The following RBFOX1 variants were observed in gnomAD, a reference collection of about 807,000 sequenced individuals.
RBFOX1 encodes RNA binding fox-1 homolog 1.
Under a neutral mutation model 57.7 loss-of-function variants are expected in RBFOX1, and 8 were observed. The ratio of observed to expected loss-of-function variants is 0.14; its 90% CI spans 0.08 to 0.25. The LOEUF (loss-of-function observed/expected upper bound fraction) is 0.25, where lower values mean the gene tolerates loss of function less well. RBFOX1 is among the 10% of genes least tolerant of loss of function. The probability of loss-of-function intolerance (pLI) is 1.00; values close to 1 mark genes in which losing one functional copy is unlikely to be tolerated. For synonymous variants in RBFOX1, 326 were observed against 222.4 expected (o/e 1.47, Z -4.15); for missense variants, 611 against 548.5 (o/e 1.11, Z -1.14).
rs139484592 is a variant in RBFOX1, at chr16:6,662,697, T to G, written c.-16+8047T>G. ...CCTAAAAGACTCAAACATTTGATCA[T>G]CTACCTTTTTGACCAAGAGACCCAG... On this transcript the variant is annotated intron_variant, in intron 3 of 15. Coordinates refer to ENST00000550418, the MANE Select transcript of RBFOX1 (RefSeq NM_018723.4). Among the ~76,000 whole-genome samples, 298 of 152,298 alleles carry G rather than the reference T, an allele frequency of 2.0e-3. 2 individuals carry two copies. Among genetic ancestry groups the G allele is most frequent in the African/African-American group, 6.8e-3 (281 of 41,580 alleles).
intron 4 of RBFOX1, among the ~76,000 whole-genome samples, chr16:7,106,812 G>GACCA (rs2063669057): frequency 6.6e-6 from 1 of 151,802 alleles, no homozygotes; most frequent in Admixed American, 6.6e-5. Flanking sequence ...GGTGTCTGCT[G>GACCA]GACAGCATTA....
intron 1 of RBFOX1, among the ~76,000 whole-genome samples, chr16:5,292,246 C>T (rs1197444877): frequency 6.6e-6 from 1 of 152,208 alleles, no homozygotes; most frequent in Admixed American, 6.5e-5. Context: ...AGGAGGTTGA[C>T]TCCCAGCTTG....
intron 2 of RBFOX1, among the ~76,000 whole-genome samples, chr16:6,350,235 G>A (rs570297047): frequency 3.3e-5 from 5 of 151,668 alleles, no homozygotes; most frequent in Admixed American, 1.3e-4. Context: ...TCGGGAGTTC[G>A]AGACCAGCCT....
At chr16:7,121,324 T>C (rs1025889032) in intron 4 of RBFOX1, among the ~76,000 whole-genome samples, 4 of 152,106 alleles carry the variant, frequency 2.6e-5, no homozygotes, top group African/African-American at 9.7e-5. Context: ...TATAAGGGCA[T>C]CTTTAATCAC....
intron 1 of RBFOX1, among the ~76,000 whole-genome samples, chr16:6,273,488 G>T (rs181008100): frequency 2.0e-4 from 30 of 151,460 alleles, no homozygotes; most frequent in African/African-American, 7.3e-4. Flanking sequence ...GGGATTACAG[G>T]TACATGTCAC....
intron 1 of RBFOX1, among the ~76,000 whole-genome samples, chr16:5,433,613 A>G (rs373751666): frequency 1.6e-4 from 25 of 152,340 alleles, no homozygotes; most frequent in African/African-American, 4.6e-4. Context: ...TTTTATCCCA[A>G]TTACAAAAAT....
At chr16:6,189,437 A>G (rs1393862562) in intron 1 of RBFOX1, among the ~76,000 whole-genome samples, 1 of 152,186 alleles carries the variant, frequency 6.6e-6, no homozygotes, top group African/African-American at 2.4e-5. Context: ...TGCAACAGTG[A>G]CAGAGAACTG....
At chr16:6,487,750 T>TA (rs2095537701) in intron 2 of RBFOX1, among the ~76,000 whole-genome samples, 6 of 74,426 alleles carry the variant, frequency 8.1e-5, no homozygotes, top group African/African-American at 3.3e-4. Flanking sequence ...TATATATATA[T>TA]ATATAAAATA....
chr16:6,024,941 G>T (rs137860163), intron 1 of RBFOX1, among the ~76,000 whole-genome samples: 1 of 152,188 alleles, frequency 6.6e-6, no homozygotes, highest in African/African-American at 2.4e-5. Flanking sequence ...CATGGAGGGC[G>T]TTTCAGAGAA....
intron 1 of RBFOX1, among the ~76,000 whole-genome samples, chr16:6,150,586 A>T (rs924688103): frequency 3.3e-5 from 5 of 152,144 alleles, no homozygotes; most frequent in African/African-American, 9.7e-5. Flanking sequence ...GAGAGGTGTT[A>T]TTCCTGTCCC....
intron 3 of RBFOX1, among the ~76,000 whole-genome samples, chr16:6,760,142 A>C (rs1406868318): frequency 3.9e-5 from 6 of 152,204 alleles, no homozygotes; most frequent in East Asian, 1.9e-4. Context: ...CTTAAGAAAA[A>C]AAAATGTACG....
chr16:7,392,902 C>G (rs1266986617), intron 4 of RBFOX1, among the ~76,000 whole-genome samples: 1 of 151,976 alleles, frequency 6.6e-6, no homozygotes, highest in African/African-American at 2.4e-5. Flanking sequence ...GAGACAGAGT[C>G]TTGCTGTGTC....
intron 3 of RBFOX1, among the ~76,000 whole-genome samples, chr16:6,747,917 C>T (rs1048207816): frequency 3.3e-5 from 5 of 152,196 alleles, no homozygotes; most frequent in African/African-American, 7.2e-5. Flanking sequence ...GAAAGCACAA[C>T]ACGCTATCAA....
At chr16:7,443,428 C>G (rs866072331) in intron 4 of RBFOX1, among the ~76,000 whole-genome samples, 1 of 151,712 alleles carries the variant, frequency 6.6e-6, no homozygotes, top group Non-Finnish European at 1.5e-5. Flanking sequence ...AGAGCTCCCC[C>G]TCCCCTCTTT....
intron 3 of RBFOX1, among the ~76,000 whole-genome samples, chr16:6,732,443 GT>G (rs1245365046): frequency 6.6e-6 from 1 of 152,234 alleles, no homozygotes; most frequent in Non-Finnish European, 1.5e-5. Context: ...GCACTGGGGA[GT>G]TTATTGAGGA....
Position 7,075,224 on chromosome 16 carries a change from G to A in RBFOX1, c.27+23126G>A, listed in dbSNP as rs74008711. On this transcript the variant is annotated intron_variant, in intron 4 of 15. Transcript: ENST00000550418. ...GCATATATAGGGAATCCACTTCTGG[G>A]TACCAACAGTAAAAGTGCTTCATTG... Among the ~76,000 whole-genome samples the A allele has an allele frequency of 8.3e-3, 1,258 of 152,246 alleles. 19 individuals carry two copies. The highest frequency in any genetic ancestry group is 0.026 in the African/African-American group (1,071 of 41,534).
At chr16:6,050,408 C>T (rs2095540682) in intron 1 of RBFOX1, among the ~76,000 whole-genome samples, 1 of 152,136 alleles carries the variant, frequency 6.6e-6, no homozygotes, top group Non-Finnish European at 1.5e-5. Context: ...CTGATTGCAT[C>T]CCTGTGGTGT....
Position 6,884,399 on chromosome 16 carries a change from C to G in RBFOX1, c.-15-167658C>G, listed in dbSNP as rs963339915. ...TGCCCTCAGTCAATGCAAGCAACCA[C>G]TTGTCTACAAAAGGAGTGAGGACAG... On this transcript the variant is annotated intron_variant, in intron 3 of 15. Transcript: ENST00000550418. 4.6e-5 allele frequency among the ~76,000 whole-genome samples: 7 copies of G among 152,182 alleles called. No individual in the cohort carries two copies. In the East Asian group the frequency reaches 1.2e-3, roughly 25 times the overall value.
intron 4 of RBFOX1, among the ~76,000 whole-genome samples, chr16:5,954,475 C>A (rs1026899322): frequency 1.3e-5 from 2 of 152,118 alleles, no homozygotes; most frequent in East Asian, 1.9e-4. Flanking sequence ...GATTTTTCAT[C>A]CTAATTTCAG....
Sources: gnomAD v4.1 joint callset for allele counts (sites outside exome capture counted in the v4.1 genomes callset) on GRCh38, gnomAD v4.1.1 for gene constraint, MANE v1.5 for transcripts, NCBI Gene and HGNC (gene_info 2026-07-23, HGNC 2026-07-21) for gene names.